The following CNTLN variants were observed in gnomAD, a reference collection of about 807,000 sequenced individuals.
CNTLN encodes centlein.
CNTLN carries 212 observed loss-of-function variants against 180.0 expected under a neutral mutation model. The observed-to-expected ratio is 1.18, with a 90% CI of 1.05 to 1.32. CNTLN has a LOEUF of 1.32. Among genes scored for constraint, CNTLN ranks in the 40% most tolerant of loss-of-function variants. The pLI is 0.00. For missense variants in CNTLN, 2,095 were observed against 1,610.9 expected (o/e 1.30, Z -5.14); for synonymous variants, 722 against 563.1 (o/e 1.28, Z -3.99).
intron 22 of CNTLN, 40 bp from the exon 23 acceptor site, chr9:17,466,666 A>G (rs967815838): frequency 6.5e-7 from 1 of 1,533,298 alleles, no homozygotes; most frequent in African/African-American, 1.4e-5. Context: ...AAATCTGTTT[A>G]TAAAATATCT....
At chr9:17,191,123 T>C (rs1821762253) in intron 2 of CNTLN, among the ~76,000 whole-genome samples, 1 of 152,224 alleles carries the variant, frequency 6.6e-6, no homozygotes, top group South Asian at 2.1e-4. Flanking sequence ...ACAATTATTT[T>C]CTTCTTAAAC....
At chr9:17,137,931 G>A (rs1817831975) in intron 1 of CNTLN, among the ~76,000 whole-genome samples, 1 of 152,138 alleles carries the variant, frequency 6.6e-6, no homozygotes, top group South Asian at 2.1e-4. Flanking sequence ...CCCCTGATTA[G>A]CAACTGAACT....
intron 3 of CNTLN, among the ~76,000 whole-genome samples, chr9:17,234,875 T>A (rs1239740700): frequency 6.6e-6 from 1 of 152,170 alleles, no homozygotes; most frequent in Non-Finnish European, 1.5e-5. Context: ...GATATGGATT[T>A]CATTTTTAGT....
At chr9:17,355,285 A>G (rs1232310803) in intron 12 of CNTLN, among the ~76,000 whole-genome samples, 1 of 152,134 alleles carries the variant, frequency 6.6e-6, no homozygotes, top group East Asian at 1.9e-4. Flanking sequence ...TTGGCCTCCC[A>G]AACTGCTGGG....
chr9:17,160,264 C>T (rs556233533), intron 2 of CNTLN, among the ~76,000 whole-genome samples: 2 of 152,146 alleles, frequency 1.3e-5, no homozygotes, highest in Admixed American at 1.3e-4. Flanking sequence ...ATATCGTTTT[C>T]TATGGGATTT....
intron 2 of CNTLN, among the ~76,000 whole-genome samples, chr9:17,145,085 C>T (rs1471661799): frequency 6.7e-6 from 1 of 149,972 alleles, no homozygotes; most frequent in Non-Finnish European, 1.5e-5. Flanking sequence ...TCATGATCCA[C>T]CCGCCTCGGC....
intron 2 of CNTLN, among the ~76,000 whole-genome samples, chr9:17,191,832 A>G (rs1166738097): frequency 6.6e-6 from 1 of 152,218 alleles, no homozygotes; most frequent in East Asian, 1.9e-4. Flanking sequence ...GAAAAGAAAA[A>G]CATGAATTTT....
intron 24 of CNTLN, among the ~76,000 whole-genome samples, 195 bp from the exon 25 acceptor site, chr9:17,486,794 T>C (rs980425559): frequency 6.6e-6 from 1 of 152,154 alleles, no homozygotes; most frequent in African/African-American, 2.4e-5. Flanking sequence ...TAAATATAGC[T>C]ATATCTTCCG....
intron 6 of CNTLN, among the ~76,000 whole-genome samples, chr9:17,292,887 T>G (rs1829507404): frequency 6.6e-6 from 1 of 152,192 alleles, no homozygotes; most frequent in Admixed American, 6.5e-5. Flanking sequence ...ACTTTGGCTT[T>G]TTGAATTTTC....
intron 25 of CNTLN, among the ~76,000 whole-genome samples, chr9:17,487,554 G>A (rs1020563168): frequency 2.6e-5 from 4 of 152,094 alleles, no homozygotes; most frequent in African/African-American, 9.7e-5. Flanking sequence ...GAGACCTCGA[G>A]CAGCTTGTTA....
intron 13 of CNTLN, among the ~76,000 whole-genome samples, chr9:17,383,928 T>A (rs552316732): frequency 6.6e-6 from 1 of 152,108 alleles, no homozygotes; most frequent in East Asian, 1.9e-4. Flanking sequence ...GTGAGCCACC[T>A]TGCCCGGCCC....
intron 18 of CNTLN, among the ~76,000 whole-genome samples, chr9:17,445,490 AC>A (rs1564112773): frequency 6.6e-6 from 1 of 152,074 alleles, no homozygotes; most frequent in Non-Finnish European, 1.5e-5. Flanking sequence ...CTATAACCTT[AC>A]CCCCAACCCC....
At chr9:17,258,272 A>G (rs369464508) in intron 5 of CNTLN, among the ~76,000 whole-genome samples, 1 of 146,452 alleles carries the variant, frequency 6.8e-6, no homozygotes, top group Non-Finnish European at 1.5e-5. Flanking sequence ...AGGTTTGTCA[A>G]AGATCAGATA....
chr9:17,468,635 A>G (rs1831885147), intron 23 of CNTLN, among the ~76,000 whole-genome samples: 1 of 151,672 alleles, frequency 6.6e-6, no homozygotes, highest in African/African-American at 2.4e-5. Context: ...ATGAATGAGA[A>G]TCAGAAGTTT....
At chr9:17,142,649 A>G (rs1480510557) in intron 1 of CNTLN, among the ~76,000 whole-genome samples, 2 of 152,122 alleles carry the variant, frequency 1.3e-5, no homozygotes, top group African/African-American at 4.8e-5. Flanking sequence ...GTGGTTCTCA[A>G]CCCAGAGTGC....
At chr9:17,202,230 T>C (rs1440553390) in intron 2 of CNTLN, among the ~76,000 whole-genome samples, 1 of 152,218 alleles carries the variant, frequency 6.6e-6, no homozygotes, top group East Asian at 1.9e-4. Context: ...TGTTTGCATT[T>C]GCTGAGGAGT....
chr9:17,319,130 G>A (rs548968866), intron 8 of CNTLN, among the ~76,000 whole-genome samples: 4 of 152,196 alleles, frequency 2.6e-5, no homozygotes, highest in Admixed American at 2.0e-4. Context: ...AGAAAACAAC[G>A]TATGTCATTT....
At chr9:17,147,870 A>T (rs1033888370) in intron 2 of CNTLN, among the ~76,000 whole-genome samples, 8 of 152,164 alleles carry the variant, frequency 5.3e-5, no homozygotes, top group Admixed American at 1.3e-4. Context: ...TTTGCCCTGT[A>T]TTATTGGTTT....
At chr9:17,315,614 T>A (rs879845272) in intron 8 of CNTLN, among the ~76,000 whole-genome samples, 3 of 152,008 alleles carry the variant, frequency 2.0e-5, no homozygotes, top group Non-Finnish European at 4.4e-5. Flanking sequence ...ATTACACACA[T>A]ATTAGACCTT....
Sources: gnomAD v4.1 joint callset for allele counts (sites outside exome capture counted in the v4.1 genomes callset) on GRCh38, gnomAD v4.1.1 for gene constraint, MANE v1.5 for transcripts, NCBI Gene and HGNC (gene_info 2026-07-23, HGNC 2026-07-21) for gene names.